The following KIAA0825 variants were observed in gnomAD, a reference collection of about 807,000 sequenced individuals.
KIAA0825 encodes KIAA0825.
Under a neutral mutation model 147.6 loss-of-function variants are expected in KIAA0825, and 119 were observed. The observed-to-expected ratio is 0.81, with a 90% CI of 0.69 to 0.94. The LOEUF is 0.94. Among genes scored for constraint, KIAA0825 ranks in the 40% least tolerant of loss-of-function variants. The pLI, the probability that KIAA0825 is intolerant of heterozygous loss-of-function variation, is 0.00. For synonymous variants in KIAA0825, 470 were observed against 518.1 expected (o/e 0.91, Z 1.26); for missense variants, 1,381 against 1,472.7 (o/e 0.94, Z 1.02).
At chr5:94,513,678 A>C (rs1766814599) in intron 5 of KIAA0825, among the ~76,000 whole-genome samples, 1 of 152,090 alleles carries the variant, frequency 6.6e-6, no homozygotes, top group African/African-American at 2.4e-5. Context: ...CAGAAAAAAA[A>C]GTTTTAGATA....
intron 15 of KIAA0825, 50 bp downstream of exon 15, chr5:94,417,151 A>G: frequency 6.7e-7 from 1 of 1,485,868 alleles, no homozygotes. Flanking sequence ...TTAAAGGTAC[A>G]TATAAGTATC....
chr5:94,287,246 A>G (rs1369427295), intron 20 of KIAA0825, among the ~76,000 whole-genome samples: 6 of 152,182 alleles, frequency 3.9e-5, no homozygotes, highest in African/African-American at 1.4e-4. Flanking sequence ...TCCGACTGAT[A>G]GCTGATGACT....
chr5:94,403,735 G>A lies in KIAA0825; in HGVS notation c.2721C>T (p.Thr907=), dbSNP rs144789706. The part of the protein sequence containing the change: ...EVIRCLRLAL[T]DAIKDTVQQI... The stretch of plus-strand genomic sequence containing the variant: ...GCTGTACAGTGTCCTTGATGGCATC[G>A]GTCAGTGCCAGTCTCAAGCATCGGA... The change falls in exon 16 of 21, where the codon ACC becomes ACT. Residue 907 remains threonine (T), a synonymous_variant. Coordinates refer to ENST00000682413, the MANE Select transcript of KIAA0825 (RefSeq NM_001145678.3). The A allele has an allele frequency of 2.7e-5, 42 of 1,551,382 alleles. No homozygotes were observed. Among genetic ancestry groups the A allele is most frequent in the Admixed American group, 1.6e-4 (8 of 50,952 alleles).
chr5:94,198,292 T>C (rs1771331011), intron 20 of KIAA0825, among the ~76,000 whole-genome samples: 1 of 152,176 alleles, frequency 6.6e-6, no homozygotes, highest in Non-Finnish European at 1.5e-5. Flanking sequence ...TGCTACTGAT[T>C]TTTGGACTTT....
chr5:94,229,705 T>C (rs1353047966), intron 20 of KIAA0825, among the ~76,000 whole-genome samples: 2 of 152,098 alleles, frequency 1.3e-5, no homozygotes, highest in Non-Finnish European at 2.9e-5. Flanking sequence ...TTCAAACTGC[T>C]ATAGAATATT....
At chr5:94,361,437 CAT>C (rs1433235577) in intron 20 of KIAA0825, among the ~76,000 whole-genome samples, 1 of 152,102 alleles carries the variant, frequency 6.6e-6, no homozygotes, top group East Asian at 1.9e-4. Flanking sequence ...AAATGAAAAA[CAT>C]ATTAGCAAAC....
chr5:94,244,064 G>A (rs1032198342), intron 20 of KIAA0825, among the ~76,000 whole-genome samples: 3 of 152,026 alleles, frequency 2.0e-5, no homozygotes, highest in East Asian at 1.9e-4. Context: ...GTATTAGCAC[G>A]GGGTTCTGGT....
intron 20 of KIAA0825, among the ~76,000 whole-genome samples, chr5:94,357,589 C>T (rs1214747640): frequency 6.6e-6 from 1 of 152,128 alleles, no homozygotes. Context: ...ACAATTTAGC[C>T]TGTTGGATGT....
In KIAA0825 at chr5:94,484,664, C is replaced by A. The variant is rs188606746; in HGVS notation, c.1132+105G>T. 5.7e-4 allele frequency: 402 copies of A among 711,028 alleles called. 1 individual carries two copies. In the African/African-American group the frequency reaches 6.5e-3, roughly 12 times the overall value. 44.0% of individuals were successfully genotyped at this position (711,028 alleles called of 1,614,324 possible). On this transcript the variant is annotated intron_variant, in intron 6 of 20. Transcript: ENST00000682413. The stretch of plus-strand genomic sequence containing the variant: ...ATACCAAATGCTTATTTAAAGAATT[C>A]TTTCATGTGTGTTTTTTTCAAGTAA...
chr5:94,512,273 G>GT (rs1284663683), intron 5 of KIAA0825, among the ~76,000 whole-genome samples: 1 of 151,738 alleles, frequency 6.6e-6, no homozygotes, highest in African/African-American at 2.4e-5. Flanking sequence ...AAAAAGTTGG[G>GT]TACTAATAAC....
At chr5:94,311,558 CA>C (rs2150206712) in intron 20 of KIAA0825, among the ~76,000 whole-genome samples, 1 of 151,682 alleles carries the variant, frequency 6.6e-6, no homozygotes, top group African/African-American at 2.4e-5. Flanking sequence ...ACCAAAAAAT[CA>C]AACTTAAAAA....
chr5:94,486,150 T>G (rs1326228529), intron 5 of KIAA0825, among the ~76,000 whole-genome samples: 2 of 152,002 alleles, frequency 1.3e-5, no homozygotes, highest in Non-Finnish European at 2.9e-5. Context: ...GAATCCTATC[T>G]TTATTAATGC....
At chr5:94,188,717 T>C (rs1420506335) in intron 20 of KIAA0825, among the ~76,000 whole-genome samples, 2 of 150,806 alleles carry the variant, frequency 1.3e-5, no homozygotes, top group Admixed American at 1.3e-4. Context: ...TTGTTATGTA[T>C]AATGCTGCTA....
chr5:94,587,128 G>C (rs1783456560), intron 1 of KIAA0825, among the ~76,000 whole-genome samples: 2 of 152,084 alleles, frequency 1.3e-5, no homozygotes, highest in African/African-American at 4.8e-5. Flanking sequence ...TTTGAAAACT[G>C]GCACAAGACA....
At chr5:94,603,619 C>T (rs1023828138) in intron 1 of KIAA0825, among the ~76,000 whole-genome samples, 5 of 152,100 alleles carry the variant, frequency 3.3e-5, no homozygotes, top group African/African-American at 1.2e-4. Flanking sequence ...AATTAAAAGA[C>T]ATAAGAGTGG....
chr5:94,300,244 T>C (rs1194034972), intron 20 of KIAA0825, among the ~76,000 whole-genome samples: 1 of 152,108 alleles, frequency 6.6e-6, no homozygotes, highest in African/African-American at 2.4e-5. Context: ...AAGGTGCATA[T>C]ACCTAACCTT....
At chr5:94,516,047 A>G (rs1040087732) in intron 5 of KIAA0825, among the ~76,000 whole-genome samples, 3 of 152,232 alleles carry the variant, frequency 2.0e-5, no homozygotes, top group Non-Finnish European at 4.4e-5. Flanking sequence ...AAAGCAGCAC[A>G]TGCTCTCTAA....
At chr5:94,247,929 G>A (rs537125363) in intron 20 of KIAA0825, among the ~76,000 whole-genome samples, 2 of 152,178 alleles carry the variant, frequency 1.3e-5, no homozygotes, top group South Asian at 2.1e-4. Flanking sequence ...ATTTTAAAAT[G>A]TTTTCAAGGG....
intron 20 of KIAA0825, among the ~76,000 whole-genome samples, chr5:94,190,087 T>C (rs978465785): frequency 1.3e-5 from 2 of 152,214 alleles, no homozygotes; most frequent in Non-Finnish European, 2.9e-5. Context: ...AACTGTTTTT[T>C]TGCTAACATA....
Sources: allele counts gnomAD v4.1 joint callset (sites outside exome capture counted in the v4.1 genomes callset), GRCh38; gene constraint gnomAD v4.1.1; transcripts MANE v1.5; gene names NCBI Gene and HGNC (gene_info 2026-07-23, HGNC 2026-07-21).